The following CNTN5 variants were observed in gnomAD, a reference collection of about 807,000 sequenced individuals.
CNTN5 encodes the protein contactin-5.
A neutral mutation model predicts 129.1 loss-of-function variants in CNTN5; 77 were observed. The ratio of observed to expected loss-of-function variants is 0.60; its 90% confidence interval spans 0.50 to 0.72. The LOEUF (loss-of-function observed/expected upper bound fraction) is 0.72. Ranked by LOEUF, CNTN5 falls within the 30% of genes least tolerant of loss-of-function variation. The pLI, the probability that CNTN5 is intolerant of heterozygous loss-of-function variation, is 0.00. For synonymous variants in CNTN5, 509 were observed against 465.6 expected, an observed-to-expected ratio of 1.09 and a Z score of -1.20; for missense variants, 1,478 against 1,328.8, an observed-to-expected ratio of 1.11 and a Z score of -1.75.
chr11:99,062,001 A>G (rs1417588065), intron 1 of CNTN5, among the ~76,000 whole-genome samples: 1 of 152,118 alleles, frequency 6.6e-6, no homozygotes, highest in African/African-American at 2.4e-5. Flanking sequence ...CAAAAAAAAA[A>G]AAAGTCTCTG....
At chr11:99,990,354 G>T (rs1938985627) in intron 8 of CNTN5, among the ~76,000 whole-genome samples, 2 of 151,070 alleles carry the variant, frequency 1.3e-5, no homozygotes, top group South Asian at 4.2e-4. Context: ...TAAATTTATT[G>T]GCTTCCCTTA....
intron 3 of CNTN5, among the ~76,000 whole-genome samples, chr11:99,790,193 T>C (rs575665646): frequency 2.8e-4 from 42 of 152,202 alleles, no homozygotes; most frequent in African/African-American, 1.0e-3. Flanking sequence ...AAAATTTTTA[T>C]TTTAGGTTCA....
At chr11:99,885,889 C>G (rs1481589613) in intron 6 of CNTN5, among the ~76,000 whole-genome samples, 1 of 151,968 alleles carries the variant, frequency 6.6e-6, no homozygotes, top group African/African-American at 2.4e-5. Context: ...AAAACTGATT[C>G]AAGAGGAAAT....
intron 1 of CNTN5, among the ~76,000 whole-genome samples, chr11:99,026,263 T>G (rs2135067876): frequency 6.6e-6 from 1 of 151,778 alleles, no homozygotes; most frequent in African/African-American, 2.4e-5. Flanking sequence ...GTATTGTATT[T>G]TGCCTTATTT....
chr11:99,966,168 G>GA (rs1310564816), intron 8 of CNTN5, among the ~76,000 whole-genome samples: 1 of 152,044 alleles, frequency 6.6e-6, no homozygotes, highest in East Asian at 1.9e-4. Flanking sequence ...ACACTTCTCT[G>GA]AAAAAATGTA....
chr11:99,076,888 C>T (rs994108817), intron 1 of CNTN5, among the ~76,000 whole-genome samples: 1 of 152,086 alleles, frequency 6.6e-6, no homozygotes, highest in South Asian at 2.1e-4. Flanking sequence ...AATTACAGCT[C>T]ATTGTGTATT....
intron 3 of CNTN5, among the ~76,000 whole-genome samples, chr11:99,582,143 G>C (rs1173212831): frequency 1.3e-5 from 2 of 152,096 alleles, no homozygotes; most frequent in Non-Finnish European, 2.9e-5. Context: ...TAAGAATGTT[G>C]AATATTGGCC....
At chr11:99,505,886 A>G (rs150559126) in intron 2 of CNTN5, among the ~76,000 whole-genome samples, 142 of 152,330 alleles carry the variant, frequency 9.3e-4, no homozygotes, top group African/African-American at 3.1e-3. Flanking sequence ...ATTGGTCCAT[A>G]AATGAATGAC....
chr11:100,041,772 A>G (rs896498627), intron 9 of CNTN5, among the ~76,000 whole-genome samples: 4 of 152,344 alleles, frequency 2.6e-5, no homozygotes, highest in South Asian at 2.1e-4. Context: ...CATAAAGGCC[A>G]TATCAGATCA....
At chr11:99,298,317 A>G (rs1405353131) in intron 1 of CNTN5, among the ~76,000 whole-genome samples, 1 of 152,230 alleles carries the variant, frequency 6.6e-6, no homozygotes, top group Non-Finnish European at 1.5e-5. Context: ...AAAAAAGGTA[A>G]AATGACATAC....
At chr11:99,499,689 T>C (rs1365851639) in intron 2 of CNTN5, among the ~76,000 whole-genome samples, 1 of 152,248 alleles carries the variant, frequency 6.6e-6, no homozygotes, top group African/African-American at 2.4e-5. Flanking sequence ...CTAACAATTT[T>C]GAAAATGTTA....
intron 3 of CNTN5, among the ~76,000 whole-genome samples, chr11:99,595,118 G>A (rs1477329794): frequency 6.6e-6 from 1 of 151,858 alleles, no homozygotes; most frequent in Admixed American, 6.6e-5. Flanking sequence ...TTAGTTAGAT[G>A]GGAAGAATGA....
At chr11:99,482,069 A>G (rs1945622880) in intron 2 of CNTN5, among the ~76,000 whole-genome samples, 1 of 152,176 alleles carries the variant, frequency 6.6e-6, no homozygotes, top group Non-Finnish European at 1.5e-5. Flanking sequence ...TTGCATATAA[A>G]GGAAAAGGTA....
intron 1 of CNTN5, among the ~76,000 whole-genome samples, chr11:99,066,197 G>C: frequency 6.6e-6 from 1 of 152,086 alleles, no homozygotes; most frequent in East Asian, 1.9e-4. Flanking sequence ...TTCGCCTCCT[G>C]GGTTCATGCG....
At chr11:99,882,310 G>A (rs1291028618) in intron 6 of CNTN5, among the ~76,000 whole-genome samples, 1 of 152,126 alleles carries the variant, frequency 6.6e-6, no homozygotes, top group Non-Finnish European at 1.5e-5. Flanking sequence ...TGCTGGACTT[G>A]CATGAAGTGG....
chr11:100,311,918 A>T (rs902802649), intron 21 of CNTN5, among the ~76,000 whole-genome samples: 2 of 152,072 alleles, frequency 1.3e-5, no homozygotes, highest in Non-Finnish European at 2.9e-5. Flanking sequence ...AAAATAACTT[A>T]TTGCAAGCAA....
chr11:99,233,147 G>C (rs1315249549), intron 1 of CNTN5, among the ~76,000 whole-genome samples: 3 of 152,144 alleles, frequency 2.0e-5, no homozygotes, highest in Non-Finnish European at 4.4e-5. Flanking sequence ...ATTTCAAACA[G>C]CATAAACAAA....
intron 2 of CNTN5, among the ~76,000 whole-genome samples, chr11:99,550,400 A>C (rs1327920763): frequency 6.6e-6 from 1 of 152,084 alleles, no homozygotes; most frequent in Non-Finnish European, 1.5e-5. Context: ...GAGCTAGATA[A>C]CTTCAAGGAT....
At chr11:99,739,781 A>T (rs564779689) in intron 3 of CNTN5, among the ~76,000 whole-genome samples, 1 of 152,310 alleles carries the variant, frequency 6.6e-6, no homozygotes, top group Non-Finnish European at 1.5e-5. Flanking sequence ...GCGATGCATC[A>T]GTTTTACTAT....
Sources: gnomAD v4.1 joint callset for allele counts (sites outside exome capture counted in the v4.1 genomes callset) on GRCh38, gnomAD v4.1.1 for gene constraint, MANE v1.5 for transcripts, NCBI Gene and HGNC (gene_info 2026-07-23, HGNC 2026-07-21) for gene names.